Variants in SYT16 observed in about 807,000 individuals in gnomAD.
The protein encoded by SYT16 is synaptotagmin-16.
In SYT16, 42 loss-of-function variants were observed where a neutral mutation model predicts 61.4. The ratio of observed to expected loss-of-function variants is 0.68; its 90% CI spans 0.53 to 0.89. SYT16 has a LOEUF of 0.89. SYT16 is among the 40% of genes least tolerant of loss of function. SYT16 has a pLI of 0.00. For missense variants in SYT16, 804 were observed against 807.3 expected, an observed-to-expected ratio of 1.00 and a Z score of 0.05; for synonymous variants, 314 against 302.3, an observed-to-expected ratio of 1.04 and a Z score of -0.40.
intron 1 of SYT16, among the ~76,000 whole-genome samples, chr14:61,827,043 G>C (rs965356119): frequency 2.0e-5 from 3 of 150,308 alleles, no homozygotes; most frequent in Admixed American, 6.6e-5. Flanking sequence ...CTCTTTAAAG[G>C]CCCCATCTCT....
intron 3 of SYT16, among the ~76,000 whole-genome samples, chr14:62,047,426 A>G (rs1030377906): frequency 5.9e-5 from 9 of 152,170 alleles, no homozygotes; most frequent in African/African-American, 2.2e-4. Context: ...GCAAACAGGG[A>G]CAATTTGACT....
chr14:61,822,091 C>G (rs544621545), intron 1 of SYT16, among the ~76,000 whole-genome samples: 115 of 152,312 alleles, frequency 7.6e-4, no homozygotes, highest in Admixed American at 2.4e-3. Flanking sequence ...GTCAGAGAGC[C>G]TGGTAGCATG....
chr14:61,931,783 G>A (rs1218136033), intron 1 of SYT16, among the ~76,000 whole-genome samples: 1 of 151,806 alleles, frequency 6.6e-6, no homozygotes, highest in Non-Finnish European at 1.5e-5. Flanking sequence ...TAAGTTTTAG[G>A]GTACATGTGC....
chr14:62,096,516 GATAAA>G (rs1397754079), intron 7 of SYT16, among the ~76,000 whole-genome samples: 6 of 151,850 alleles, frequency 4.0e-5, no homozygotes, highest in South Asian at 2.1e-4. Flanking sequence ...ACACACAGAA[GATAAA>G]ATAAATGAAT....
At chr14:61,893,435 A>C (rs1594849406) in intron 1 of SYT16, among the ~76,000 whole-genome samples, 1 of 152,210 alleles carries the variant, frequency 6.6e-6, no homozygotes, top group East Asian at 1.9e-4. Flanking sequence ...CTTTGGAACC[A>C]AATGGCATAA....
intron 7 of SYT16, among the ~76,000 whole-genome samples, 169 bp from the exon 8 acceptor site, chr14:62,100,225 A>G (rs376676031): frequency 6.6e-5 from 10 of 152,328 alleles, no homozygotes; most frequent in African/African-American, 1.2e-4. Context: ...CTTCCTTAAT[A>G]ATTCATGCAA....
At chr14:61,815,313 A>C (rs1002582585) in intron 1 of SYT16, among the ~76,000 whole-genome samples, 1 of 152,216 alleles carries the variant, frequency 6.6e-6, no homozygotes, top group Non-Finnish European at 1.5e-5. Flanking sequence ...GTCACCATGC[A>C]GTGACTACAT....
At chr14:61,824,090 C>G (rs1359122028) in intron 1 of SYT16, among the ~76,000 whole-genome samples, 1 of 152,144 alleles carries the variant, frequency 6.6e-6, no homozygotes, top group Non-Finnish European at 1.5e-5. Flanking sequence ...AGAGTCTGAA[C>G]TCACTTTATT....
rs2057591075 is a variant in SYT16 at position 62,110,611 on chromosome 14, G to A, written c.*9904G>A. On this transcript the variant is annotated 3_prime_UTR_variant, in exon 8 of 8. Coordinates refer to ENST00000683842, the MANE Select transcript of SYT16 (RefSeq NM_001367656.1). ...GTAATCTGTCTGAATACAAGTTATA[G>A]TTGGTCTTTAGCTGTTCTGTCTCTG... The A allele has an allele frequency of 6.6e-6, 1 of 152,060 alleles. No individual in the cohort carries two copies. The highest frequency in any genetic ancestry group is 2.4e-5 in the African/African-American group (1 of 41,428). 9.4% of individuals were successfully genotyped at this position (152,060 alleles called of 1,614,324 possible). A position where few individuals can be genotyped will look rare whatever the true frequency, so the allele number is the denominator to read the frequency against.
chr14:62,005,899 C>T (rs1169350068), intron 3 of SYT16, among the ~76,000 whole-genome samples: 2 of 152,080 alleles, frequency 1.3e-5, no homozygotes, highest in African/African-American at 4.8e-5. Flanking sequence ...TCTGTGGTGG[C>T]AGTGGGAATT....
intron 3 of SYT16, among the ~76,000 whole-genome samples, chr14:62,012,977 C>T (rs2053528600): frequency 6.6e-6 from 1 of 152,144 alleles, no homozygotes; most frequent in Admixed American, 6.5e-5. Flanking sequence ...TTTTGTAGAT[C>T]ACTTCAGGTG....
Position 62,103,786 on chromosome 14 carries a change from A to C in SYT16, c.*3079A>C, listed in dbSNP as rs2057464388. On this transcript the variant is annotated 3_prime_UTR_variant, in exon 8 of 8. Coordinates refer to ENST00000683842, the MANE Select transcript of SYT16 (RefSeq NM_001367656.1). ...TCTTTGGATGTGGCATTCCACCTGC[A>C]TGAAATCAGGAAAAGAATCATCACC... 6.6e-6 allele frequency: 1 copy of C among 152,228 alleles called. No homozygotes were observed. The highest frequency in any genetic ancestry group is 1.5e-5 in the Non-Finnish European group (1 of 68,040). 9.4% of individuals were successfully genotyped at this position (152,228 alleles called of 1,614,324 possible).
intron 1 of SYT16, among the ~76,000 whole-genome samples, chr14:61,855,125 A>G (rs2140277376): frequency 6.6e-6 from 1 of 152,366 alleles, no homozygotes; most frequent in East Asian, 1.9e-4. Context: ...TTCATTAACT[A>G]CAAATCAAAG....
intron 1 of SYT16, among the ~76,000 whole-genome samples, chr14:61,891,774 A>T (rs1449127771): frequency 6.6e-6 from 1 of 152,190 alleles, no homozygotes; most frequent in African/African-American, 2.4e-5. Flanking sequence ...GTCTAAAAGG[A>T]TAAGGTAGTA....
chr14:62,045,131 A>G (rs964238177), intron 3 of SYT16, among the ~76,000 whole-genome samples: 1 of 152,190 alleles, frequency 6.6e-6, no homozygotes, highest in East Asian at 1.9e-4. Context: ...GAGTGAGACT[A>G]TGTCTAAAAT....
At chr14:61,984,362 G>T (rs755289775) in intron 2 of SYT16, among the ~76,000 whole-genome samples, 1 of 152,244 alleles carries the variant, frequency 6.6e-6, no homozygotes, top group Admixed American at 6.5e-5. Flanking sequence ...AAGCTGAAAT[G>T]AATCAAATGT....
intron 1 of SYT16, among the ~76,000 whole-genome samples, chr14:61,952,442 G>A (rs1212265732): frequency 1.3e-5 from 2 of 152,184 alleles, no homozygotes; most frequent in African/African-American, 4.8e-5. Context: ...ATCATTAAAT[G>A]CTGCTTCTGA....
At chr14:62,064,504 A>G (rs902293478) in intron 3 of SYT16, among the ~76,000 whole-genome samples, 26 of 152,158 alleles carry the variant, frequency 1.7e-4, no homozygotes, top group Non-Finnish European at 2.9e-5. Flanking sequence ...AAATAGAGGG[A>G]ATAGATGCTC....
intron 3 of SYT16, among the ~76,000 whole-genome samples, chr14:62,054,360 G>GTTT (rs11347339): frequency 2.5e-5 from 3 of 118,294 alleles, no homozygotes; most frequent in Non-Finnish European, 3.4e-5. Context: ...AGTGAAGTGA[G>GTTT]TTTTTTTTTT....
Sources: gnomAD v4.1 joint callset for allele counts (sites outside exome capture counted in the v4.1 genomes callset) on GRCh38, gnomAD v4.1.1 for gene constraint, MANE v1.5 for transcripts, NCBI Gene and HGNC (gene_info 2026-07-23, HGNC 2026-07-21) for gene names.